WWOX: variants seen among roughly 807,000 people sequenced by gnomAD.
WWOX encodes WW domain-containing oxidoreductase.
A neutral mutation model predicts 46.2 loss-of-function variants in WWOX; 69 were observed. That is an observed-to-expected ratio of 1.49 (90% CI 1.23 to 1.82). WWOX has a LOEUF of 1.82. WWOX is among the 40% of genes most tolerant of loss of function. WWOX has a pLI of 0.00. For missense variants in WWOX, 919 were observed against 542.6 expected (o/e 1.69, Z -6.89); for synonymous variants, 359 against 202.6 (o/e 1.77, Z -6.56).
At chr16:79,079,408 C>G (rs543214550) in intron 8 of WWOX, among the ~76,000 whole-genome samples, 2 of 152,316 alleles carry the variant, frequency 1.3e-5, no homozygotes, top group African/African-American at 2.4e-5. Context: ...AATCCGGTAT[C>G]CATTCATCCA....
chr16:78,655,197 G>A (rs748383911), intron 8 of WWOX, among the ~76,000 whole-genome samples: 75 of 152,056 alleles, frequency 4.9e-4, no homozygotes, highest in Non-Finnish European at 9.4e-4. Context: ...GTGAAACTGA[G>A]GTCTCACTCC....
intron 8 of WWOX, among the ~76,000 whole-genome samples, chr16:78,884,718 G>C (rs140793223): frequency 5.3e-5 from 8 of 152,276 alleles, no homozygotes; most frequent in Non-Finnish European, 1.2e-4. Flanking sequence ...CTAATGTTCT[G>C]TTGCTTGTTC....
intron 8 of WWOX, among the ~76,000 whole-genome samples, chr16:78,810,844 C>T (rs1006064855): frequency 1.9e-4 from 29 of 152,254 alleles, no homozygotes; most frequent in African/African-American, 6.7e-4. Flanking sequence ...AGCGCAAGAT[C>T]CAAAAAGACA....
intron 8 of WWOX, among the ~76,000 whole-genome samples, chr16:78,948,940 G>C (rs1040434976): frequency 2.0e-5 from 3 of 152,166 alleles, no homozygotes; most frequent in East Asian, 1.9e-4. Context: ...TAGGCAGAGA[G>C]ATTGCAAGCA....
chr16:78,362,043 G>C (rs1329328566), intron 5 of WWOX, among the ~76,000 whole-genome samples: 1 of 150,162 alleles, frequency 6.7e-6, no homozygotes, highest in Non-Finnish European at 1.5e-5. Flanking sequence ...TTTCTGGTTG[G>C]CTTCTATGAA....
chr16:78,105,092 G>T (rs527958495), intron 1 of WWOX, among the ~76,000 whole-genome samples: 139 of 152,342 alleles, frequency 9.1e-4, no homozygotes, highest in African/African-American at 3.1e-3. Flanking sequence ...GATGCTTTCT[G>T]TTGCCACAGC....
At chr16:79,165,901 A>C (rs752317067) in intron 8 of WWOX, among the ~76,000 whole-genome samples, 1 of 152,286 alleles carries the variant, frequency 6.6e-6, no homozygotes, top group Middle Eastern at 3.4e-3. Flanking sequence ...TTCATAACCA[A>C]GGTCATACTA....
chr16:78,836,045 A>G (rs572018368), intron 8 of WWOX, among the ~76,000 whole-genome samples: 1 of 152,350 alleles, frequency 6.6e-6, no homozygotes, highest in Admixed American at 6.5e-5. Context: ...GTGACATGAA[A>G]ATTGTGTATT....
intron 8 of WWOX, among the ~76,000 whole-genome samples, chr16:78,807,603 A>G (rs77835221): frequency 0.023 from 3,570 of 152,310 alleles, 68 homozygotes; most frequent in Non-Finnish European, 0.037. Flanking sequence ...AAGCCAGTCA[A>G]TTTCATCTAG....
intron 5 of WWOX, chr16:78,237,236 TGGAAA>T (rs2037472293): frequency 6.6e-6 from 1 of 152,174 alleles, no homozygotes; most frequent in African/African-American, 2.4e-5. Context: ...AAATGTGTAA[TGGAAA>T]TGAGAAGTTT....
At chr16:78,463,270 C>A (rs1021939600) in intron 8 of WWOX, among the ~76,000 whole-genome samples, 4 of 152,136 alleles carry the variant, frequency 2.6e-5, no homozygotes, top group African/African-American at 9.7e-5. Context: ...GGTGCCCTTG[C>A]AGGTATAGGT....
intron 8 of WWOX, among the ~76,000 whole-genome samples, chr16:78,598,920 C>A (rs946477709): frequency 1.3e-5 from 2 of 152,178 alleles, no homozygotes; most frequent in African/African-American, 4.8e-5. Flanking sequence ...ACTCAGATTC[C>A]CGCCTCTCAA....
intron 5 of WWOX, among the ~76,000 whole-genome samples, chr16:78,295,447 C>T (rs113794714): frequency 0.018 from 2,672 of 152,290 alleles, 91 homozygotes; most frequent in African/African-American, 0.06. Context: ...TGTGGTGGCT[C>T]ACGCCTGTAA....
intron 8 of WWOX, among the ~76,000 whole-genome samples, chr16:79,055,699 G>C (rs1383053472): frequency 6.6e-6 from 1 of 152,158 alleles, no homozygotes; most frequent in East Asian, 1.9e-4. Flanking sequence ...AACACCCAAG[G>C]GCAATAAATT....
chr16:78,743,089 G>A (rs1425825021), intron 8 of WWOX, among the ~76,000 whole-genome samples: 1 of 152,034 alleles, frequency 6.6e-6, no homozygotes, highest in Admixed American at 6.6e-5. Flanking sequence ...AGCCCCCGAA[G>A]GAAACATCCG....
chr16:78,608,810 C>T (rs1186572848), intron 8 of WWOX, among the ~76,000 whole-genome samples: 1 of 152,160 alleles, frequency 6.6e-6, no homozygotes, highest in African/African-American at 2.4e-5. Context: ...AGTATCTGTT[C>T]CCTCCCTTTA....
intron 8 of WWOX, among the ~76,000 whole-genome samples, chr16:78,871,833 C>T (rs998327464): frequency 2.6e-5 from 4 of 152,184 alleles, no homozygotes; most frequent in Non-Finnish European, 5.9e-5. Flanking sequence ...AAACTCCTGG[C>T]CTCAAGTGAT....
At chr16:78,403,388 C>T (rs1567551593) in intron 6 of WWOX, among the ~76,000 whole-genome samples, 1 of 152,108 alleles carries the variant, frequency 6.6e-6, no homozygotes, top group African/African-American at 2.4e-5. Flanking sequence ...TGTTCCCTTC[C>T]CATGATTTTT....
chr16:79,053,389 C>G (rs1346873564), intron 8 of WWOX, among the ~76,000 whole-genome samples: 1 of 152,118 alleles, frequency 6.6e-6, no homozygotes, highest in Non-Finnish European at 1.5e-5. Flanking sequence ...AGAAACAATC[C>G]TGGAGTGAAT....
Sources: allele counts gnomAD v4.1 joint callset (sites outside exome capture counted in the v4.1 genomes callset), GRCh38; gene constraint gnomAD v4.1.1; transcripts MANE v1.5; gene names NCBI Gene and HGNC (gene_info 2026-07-23, HGNC 2026-07-21).